ITFG1: variants seen among roughly 807,000 people sequenced by gnomAD.
ITFG1 encodes the protein integrin alpha FG-GAP repeat containing 1.
A neutral mutation model predicts 81.8 loss-of-function variants in ITFG1; 34 were observed. That is an observed-to-expected ratio of 0.42 (90% CI 0.32 to 0.55). ITFG1 has a LOEUF of 0.55. Ranked by LOEUF, ITFG1 falls within the 20% of genes least tolerant of loss-of-function variation. The pLI, the probability that ITFG1 is intolerant of heterozygous loss-of-function variation, is 0.17. For missense variants in ITFG1, 672 were observed against 755.4 expected (o/e 0.89, Z 1.29); for synonymous variants, 285 against 270.6 (o/e 1.05, Z -0.52).
chr16:47,311,280 A>G lies in ITFG1; in HGVS notation c.1030T>C (p.Tyr344His). ...TTTAGTATGACCAGAGCGTCTGGAT[A>G]GCCATCCATATTGTAGTCTCCAATA... Reference protein sequence around the residue: ...LHIGDYNMDGYPDALVILKNT... With the variant: ...LHIGDYNMDGHPDALVILKNT... The change falls in exon 10 of 18, where the codon TAT becomes CAT. Residue 344 changes from tyrosine to histidine, a missense_variant. Around this residue, in one of 3 missense-constraint regions of ITFG1, gnomAD observed 560 missense variants for 625.7 expected, o/e 0.90. Coordinates refer to ENST00000320640, the MANE Select transcript of ITFG1 (RefSeq NM_030790.5). 6.2e-7 allele frequency: 1 copy of G among 1,612,792 alleles called. No homozygotes were observed. The highest frequency in any genetic ancestry group is 8.5e-7 in the Non-Finnish European group (1 of 1,179,068).
intron 6 of ITFG1, among the ~76,000 whole-genome samples, chr16:47,402,398 C>G (rs1968672739): frequency 1.3e-5 from 2 of 152,120 alleles, no homozygotes; most frequent in African/African-American, 4.8e-5. Flanking sequence ...CATTTTAAAG[C>G]CACCACATCA....
At chr16:47,255,232 T>TA (rs1244913157) in intron 12 of ITFG1, among the ~76,000 whole-genome samples, 1 of 152,236 alleles carries the variant, frequency 6.6e-6, no homozygotes, top group Non-Finnish European at 1.5e-5. Context: ...AAATCACACT[T>TA]ATGCTAGGTT....
chr16:47,202,473 C>A (rs866800599), intron 14 of ITFG1: 2 of 152,114 alleles, frequency 1.3e-5, no homozygotes, highest in African/African-American at 4.8e-5. Flanking sequence ...GTCTGCTGTT[C>A]CTTCACTGAT....
At chr16:47,289,509 C>T (rs1197741665) in intron 10 of ITFG1, among the ~76,000 whole-genome samples, 2 of 152,062 alleles carry the variant, frequency 1.3e-5, no homozygotes, top group East Asian at 3.9e-4. Flanking sequence ...ACATTTTATT[C>T]AGGATTAAAT....
At chr16:47,369,261 T>C (rs1003598175) in intron 7 of ITFG1, among the ~76,000 whole-genome samples, 1 of 152,220 alleles carries the variant, frequency 6.6e-6, no homozygotes, top group African/African-American at 2.4e-5. Flanking sequence ...GAGAACAGTC[T>C]GGTGCAAAGA....
intron 10 of ITFG1, 74 bp from the exon 11 acceptor site, chr16:47,260,769 G>C (rs142214081): frequency 6.9e-7 from 1 of 1,447,734 alleles, no homozygotes; most frequent in South Asian, 1.2e-5. Flanking sequence ...GTATTTCCTA[G>C]ATTAAAAGGA....
At chr16:47,388,191 A>G (rs1438786050) in intron 6 of ITFG1, among the ~76,000 whole-genome samples, 1 of 152,150 alleles carries the variant, frequency 6.6e-6, no homozygotes, top group Non-Finnish European at 1.5e-5. Flanking sequence ...AAGAATCTCA[A>G]AGAAATGTGG....
chr16:47,232,319 C>T (rs564515803), intron 13 of ITFG1, among the ~76,000 whole-genome samples: 31 of 152,306 alleles, frequency 2.0e-4, no homozygotes, highest in Middle Eastern at 3.4e-3. Flanking sequence ...TCCAAAATTA[C>T]TGTAGATAGT....
intron 10 of ITFG1, among the ~76,000 whole-genome samples, chr16:47,269,293 G>GT (rs968558815): frequency 1.6e-4 from 24 of 152,158 alleles, no homozygotes; most frequent in African/African-American, 5.5e-4. Flanking sequence ...ACTAGAACCA[G>GT]TAAGTTTGGC....
At chr16:47,365,019 T>C (rs1968157030) in intron 8 of ITFG1, among the ~76,000 whole-genome samples, 1 of 152,246 alleles carries the variant, frequency 6.6e-6, no homozygotes, top group African/African-American at 2.4e-5. Flanking sequence ...AGCCTGTCAC[T>C]GTGCTTCATT....
intron 9 of ITFG1, 76 bp from the exon 10 acceptor site, chr16:47,311,488 C>A: frequency 8.7e-7 from 1 of 1,145,926 alleles, no homozygotes; most frequent in South Asian, 1.9e-5. Context: ...ACAAACGATC[C>A]ATTAAGTTTT....
chr16:47,189,303 C>T (rs532511567), intron 14 of ITFG1, among the ~76,000 whole-genome samples: 29 of 152,230 alleles, frequency 1.9e-4, no homozygotes, highest in African/African-American at 6.5e-4. Context: ...GCAACTGACA[C>T]CAATTCCAGA....
In ITFG1 at chr16:47,451,378, A is replaced by G; in HGVS notation, c.560+18T>C. The G allele has an allele frequency of 1.5e-6, 2 of 1,335,570 alleles. No individual in the cohort carries two copies. The highest frequency in any genetic ancestry group is 2.1e-6 in the Non-Finnish European group (2 of 935,014). 82.7% of individuals were successfully genotyped at this position (1,335,570 alleles called of 1,614,324 possible). A position where few individuals can be genotyped will look rare whatever the true frequency, so the allele number is the denominator to read the frequency against. Reference sequence around the variant, plus strand: ...AATATATACGATTAATTACATAGTTATAACCATATTTACTCACCCTCCTAA... The same window carrying G: ...AATATATACGATTAATTACATAGTTGTAACCATATTTACTCACCCTCCTAA... On this transcript the variant is annotated intron_variant, in intron 5 of 17. Coordinates refer to ENST00000320640, the MANE Select transcript of ITFG1 (RefSeq NM_030790.5).
intron 6 of ITFG1, among the ~76,000 whole-genome samples, chr16:47,381,956 A>C (rs140863138): frequency 6.6e-6 from 1 of 152,358 alleles, no homozygotes; most frequent in Non-Finnish European, 1.5e-5. Flanking sequence ...ATACAAACTG[A>C]AAAAGCATCT....
intron 8 of ITFG1, among the ~76,000 whole-genome samples, chr16:47,314,638 C>T (rs902931270): frequency 6.6e-6 from 1 of 152,192 alleles, no homozygotes; most frequent in African/African-American, 2.4e-5. Flanking sequence ...TCTCTCCCAT[C>T]TAATGTCCCT....
intron 10 of ITFG1, among the ~76,000 whole-genome samples, chr16:47,280,933 T>C (rs1966445281): frequency 6.6e-6 from 1 of 152,174 alleles, no homozygotes; most frequent in Non-Finnish European, 1.5e-5. Flanking sequence ...AAGGCCATGC[T>C]TGTGACCCTT....
At chr16:47,181,119 G>A (rs561239009) in intron 14 of ITFG1, among the ~76,000 whole-genome samples, 12 of 142,156 alleles carry the variant, frequency 8.4e-5, no homozygotes, top group South Asian at 2.3e-4. Flanking sequence ...GCCGCCCATC[G>A]TCTGAGATGT....
intron 6 of ITFG1, among the ~76,000 whole-genome samples, chr16:47,425,607 T>C (rs1360234355): frequency 4.1e-5 from 6 of 146,350 alleles, no homozygotes; most frequent in East Asian, 1.9e-4. Flanking sequence ...TTTTTTTTTT[T>C]CCAGACAAGG....
At chr16:47,212,894 C>T (rs1470490880) in intron 14 of ITFG1, among the ~76,000 whole-genome samples, 2 of 151,894 alleles carry the variant, frequency 1.3e-5, no homozygotes, top group Non-Finnish European at 2.9e-5. Flanking sequence ...TTTTGTTTTG[C>T]TGTTTTGAAT....
Sources: allele counts gnomAD v4.1 joint callset (sites outside exome capture counted in the v4.1 genomes callset), GRCh38; gene constraint gnomAD v4.1.1; regional missense constraint gnomAD v4.1.1; transcripts MANE v1.5; gene names NCBI Gene and HGNC (gene_info 2026-07-23, HGNC 2026-07-21).